ASTN1: variants seen among roughly 807,000 people sequenced by gnomAD.
ASTN1 encodes astrotactin 1, also known as astrotactin-1.
ASTN1 carries 41 observed loss-of-function variants against 140.7 expected under a neutral mutation model. The ratio of observed to expected loss-of-function variants is 0.29; its 90% confidence interval spans 0.23 to 0.38. The LOEUF (loss-of-function observed/expected upper bound fraction) is 0.38. Ranked by LOEUF, ASTN1 falls within the 10% of genes least tolerant of loss-of-function variation. The pLI, the probability that ASTN1 is intolerant of heterozygous loss-of-function variation, is 1.00. For missense variants in ASTN1, 1,479 were observed against 1,678.8 expected (o/e 0.88, Z 2.08); for synonymous variants, 640 against 652.2 (o/e 0.98, Z 0.29).
intron 1 of ASTN1, among the ~76,000 whole-genome samples, chr1:177,088,131 C>T (rs1168573019): frequency 6.6e-6 from 1 of 152,146 alleles, no homozygotes; most frequent in Admixed American, 6.5e-5. Flanking sequence ...TTAGTGTAGG[C>T]CTAAAGGCTT....
chr1:176,951,775 A>C (rs1672200290), intron 11 of ASTN1, among the ~76,000 whole-genome samples: 1 of 152,218 alleles, frequency 6.6e-6, no homozygotes, highest in Non-Finnish European at 1.5e-5. Context: ...CAGAAAAGAC[A>C]GTTAGCTGTC....
intron 16 of ASTN1, among the ~76,000 whole-genome samples, chr1:176,923,875 G>C (rs1670845433): frequency 6.6e-6 from 1 of 152,182 alleles, no homozygotes; most frequent in South Asian, 2.1e-4. Context: ...TCTCACATCT[G>C]ATGTAGAATC....
intron 8 of ASTN1, among the ~76,000 whole-genome samples, chr1:177,002,967 G>A (rs1674807167): frequency 1.3e-5 from 2 of 150,590 alleles, no homozygotes; most frequent in African/African-American, 2.5e-5. Context: ...GAGATTAATC[G>A]GTAATAAAAA....
chr1:177,105,075 T>G (rs1680488429), intron 1 of ASTN1, among the ~76,000 whole-genome samples: 1 of 152,148 alleles, frequency 6.6e-6, no homozygotes, highest in Non-Finnish European at 1.5e-5. Flanking sequence ...CAATTTGCCA[T>G]TTGCCCTTGA....
chr1:176,878,664 C>T (rs1485706785), intron 20 of ASTN1, among the ~76,000 whole-genome samples: 4 of 152,088 alleles, frequency 2.6e-5, no homozygotes, highest in Non-Finnish European at 5.9e-5. Context: ...TCCCACAATC[C>T]AGTCCCAGGT....
At chr1:177,069,636 G>C (rs1326025817) in intron 1 of ASTN1, among the ~76,000 whole-genome samples, 1 of 152,142 alleles carries the variant, frequency 6.6e-6, no homozygotes, top group Non-Finnish European at 1.5e-5. Flanking sequence ...GCAACTACAT[G>C]AACATTCTAT....
intron 1 of ASTN1, among the ~76,000 whole-genome samples, chr1:177,148,189 C>A (rs1425889587): frequency 6.6e-6 from 1 of 152,116 alleles, no homozygotes; most frequent in African/African-American, 2.4e-5. Context: ...GAGGCCGAGG[C>A]AGGCGGATCA....
At chr1:177,008,113 T>C (rs574151126) in intron 8 of ASTN1, among the ~76,000 whole-genome samples, 2 of 152,222 alleles carry the variant, frequency 1.3e-5, no homozygotes, top group South Asian at 4.1e-4. Flanking sequence ...AGTCTGTCTG[T>C]GGAGGAAATC....
intron 8 of ASTN1, among the ~76,000 whole-genome samples, chr1:176,987,694 A>T (rs956561497): frequency 6.6e-6 from 1 of 152,214 alleles, no homozygotes; most frequent in Admixed American, 6.5e-5. Context: ...ATATCTTCCA[A>T]TTAATTCCCA....
intron 21 of ASTN1, among the ~76,000 whole-genome samples, chr1:176,872,562 C>G (rs907925682): frequency 1.3e-5 from 2 of 152,204 alleles, no homozygotes; most frequent in Non-Finnish European, 2.9e-5. Flanking sequence ...TGAGAGCAGG[C>G]AGGGGCCACT....
chr1:177,096,831 G>C (rs1680047598), intron 1 of ASTN1, among the ~76,000 whole-genome samples: 1 of 151,952 alleles, frequency 6.6e-6, no homozygotes, highest in African/African-American at 2.4e-5. Context: ...ACCCAGCCTT[G>C]GGTATTTCTT....
rs141672807 is a variant in ASTN1 at position 177,164,427 on chromosome 1, G to A, written c.250C>T (p.Leu84=). The change falls in exon 1 of 23, where the codon CTG becomes TTG. Residue 84 remains leucine (L), a synonymous_variant. Coordinates refer to ENST00000361833, the MANE Select transcript of ASTN1 (RefSeq NM_004319.3). ...FPGEMVVVDD[L]ENTELPYFVL... is the part of the protein sequence containing the mutation. ...AAGTAGGGCAGCTCCGTGTTCTCCA[G>A]GTCGTCCACCACGACCATTTCTCCC... 93 of 1,612,770 alleles carry A rather than the reference G, an allele frequency of 5.8e-5. No homozygotes were observed. In the East Asian group the frequency reaches 1.9e-3, roughly 33 times the overall value.
rs369832710 is a variant in ASTN1, at chr1:177,024,574, C to T, written c.1270+9G>A. Reference sequence around the variant, plus strand: ...GGGCAAGGTCGCATCCTCAGAAGAACAGGCTCACCATCAGCAATCAGGTGC... The same window carrying T: ...GGGCAAGGTCGCATCCTCAGAAGAATAGGCTCACCATCAGCAATCAGGTGC... On this transcript the variant is annotated intron_variant, in intron 6 of 22. Coordinates refer to ENST00000361833, the MANE Select transcript of ASTN1 (RefSeq NM_004319.3). The T allele has an allele frequency of 1.2e-6, 2 of 1,612,892 alleles. No individual in the cohort carries two copies. The highest frequency in any genetic ancestry group is 1.3e-5 in the African/African-American group (1 of 75,010).
chr1:176,978,166 A>G (rs955375632), intron 8 of ASTN1, among the ~76,000 whole-genome samples: 2 of 152,224 alleles, frequency 1.3e-5, no homozygotes, highest in African/African-American at 4.8e-5. Flanking sequence ...GTGATGGAAC[A>G]TTACAAACAG....
In ASTN1 at chr1:177,109,894, G is replaced by T. The variant is rs114740054; in HGVS notation, c.284-48629C>A. ...TTCCAATTTCCAATCTTCTAAAATA[G>T]ATAGTTCAGCCAAGTTTCTCAGACT... is the stretch of plus-strand genomic sequence containing the variant. On this transcript the variant is annotated intron_variant, in intron 1 of 22. Transcript: ENST00000361833. 9.6e-3 allele frequency among the ~76,000 whole-genome samples: 1,461 copies of T among 152,236 alleles called. 19 individuals carry two copies. The highest frequency in any genetic ancestry group is 0.033 in the African/African-American group (1,375 of 41,546).
At chr1:176,957,862 T>C (rs1317183941) in intron 10 of ASTN1, 34 bp from the exon 11 acceptor site, 1 of 1,603,160 alleles carries the variant, frequency 6.2e-7, no homozygotes, top group Non-Finnish European at 8.5e-7. Context: ...CAGGGAGGAG[T>C]CAAGGAGATT....
chr1:177,029,213 C>T (rs1048270612), intron 5 of ASTN1: 9 of 426,350 alleles, frequency 2.1e-5, no homozygotes, highest in African/African-American at 1.9e-4. Flanking sequence ...AACTACACTG[C>T]CCCCAATCCT....
At chr1:176,916,996 T>C (rs1670515982) in intron 16 of ASTN1, among the ~76,000 whole-genome samples, 1 of 151,972 alleles carries the variant, frequency 6.6e-6, no homozygotes, top group Non-Finnish European at 1.5e-5. Flanking sequence ...AGGGTTGTGC[T>C]TTTTTCCTTT....
chr1:176,923,817 G>A (rs1251216244), intron 16 of ASTN1, among the ~76,000 whole-genome samples: 1 of 152,154 alleles, frequency 6.6e-6, no homozygotes, highest in Non-Finnish European at 1.5e-5. Context: ...AGGACATGAA[G>A]TACTCATCCC....
Sources: gnomAD v4.1 joint callset for allele counts (sites outside exome capture counted in the v4.1 genomes callset) on GRCh38, gnomAD v4.1.1 for gene constraint, MANE v1.5 for transcripts, NCBI Gene and HGNC (gene_info 2026-07-23, HGNC 2026-07-21) for gene names.